The following EGFLAM variants were observed in gnomAD, a reference collection of about 807,000 sequenced individuals.
EGFLAM encodes EGF like, fibronectin type III and laminin G domains, also known as pikachurin.
A neutral mutation model predicts 113.1 loss-of-function variants in EGFLAM; 79 were observed. The ratio of observed to expected loss-of-function variants is 0.70; its 90% CI spans 0.58 to 0.84. The LOEUF is 0.84. Among genes scored for constraint, EGFLAM ranks in the 40% least tolerant of loss-of-function variants. EGFLAM has a pLI of 0.00. For missense variants in EGFLAM, 1,265 were observed against 1,291.6 expected (o/e 0.98, Z 0.32); for synonymous variants, 504 against 487.6 (o/e 1.03, Z -0.44).
At chr5:38,354,677 C>A (rs1282104738) in intron 5 of EGFLAM, among the ~76,000 whole-genome samples, 2 of 152,084 alleles carry the variant, frequency 1.3e-5, no homozygotes, top group African/African-American at 4.8e-5. Flanking sequence ...TTGCAGTGAG[C>A]CGAGATTACA....
intron 6 of EGFLAM, among the ~76,000 whole-genome samples, chr5:38,385,376 G>A (rs1051381992): frequency 6.8e-6 from 1 of 145,998 alleles, no homozygotes; most frequent in Non-Finnish European, 1.5e-5. Context: ...TATAACCTGT[G>A]TACACTCTCC....
At position 38,403,985 on chromosome 5, in the gene EGFLAM, C is replaced by T. The variant is rs189108196; in HGVS notation, c.713-2141C>T. The T allele has an allele frequency of 1.3e-4, 206 of 1,606,178 alleles. No individual in the cohort carries two copies. The African/African-American group carries it at 1.6e-3, about 12-fold the overall frequency. On this transcript the variant is annotated intron_variant, in intron 6 of 21. Transcript: ENST00000322350. ...ATTGGTGTGGAAGGGATGAGAACACCGCCTCCCCTTTGTTATCCCACCTCC... is the reference window on the plus strand; with the variant it reads ...ATTGGTGTGGAAGGGATGAGAACACTGCCTCCCCTTTGTTATCCCACCTCC...
intron 1 of EGFLAM, among the ~76,000 whole-genome samples, chr5:38,336,044 A>G (rs781352821): frequency 6.6e-6 from 1 of 152,216 alleles, no homozygotes; most frequent in Non-Finnish European, 1.5e-5. Context: ...CTCATGGAGC[A>G]TTACTTAAGA....
At chr5:38,444,627 A>C (rs975984661) in intron 17 of EGFLAM, among the ~76,000 whole-genome samples, 23 of 152,236 alleles carry the variant, frequency 1.5e-4, no homozygotes, top group Admixed American at 1.3e-4. Context: ...AAGCAAAAAA[A>C]TTAGGTATAG....
chr5:38,414,004 C>G (rs1239100507), intron 11 of EGFLAM, among the ~76,000 whole-genome samples: 1 of 152,142 alleles, frequency 6.6e-6, no homozygotes, highest in Non-Finnish European at 1.5e-5. Context: ...GAGATGCTCG[C>G]TCACCCCGCC....
At chr5:38,362,961 A>G (rs1018068536) in intron 5 of EGFLAM, among the ~76,000 whole-genome samples, 1 of 152,200 alleles carries the variant, frequency 6.6e-6, no homozygotes, top group Non-Finnish European at 1.5e-5. Flanking sequence ...GTAAACTGTA[A>G]ATGAAGTGTG....
chr5:38,350,662 C>T, intron 4 of EGFLAM, 44 bp downstream of exon 4: 1 of 1,552,042 alleles, frequency 6.4e-7, no homozygotes, highest in Non-Finnish European at 8.9e-7. Flanking sequence ...GGCTGCTATC[C>T]ATGCATCCTT....
intron 1 of EGFLAM, among the ~76,000 whole-genome samples, chr5:38,315,936 G>T (rs923012716): frequency 1.3e-5 from 2 of 152,028 alleles, no homozygotes; most frequent in African/African-American, 4.8e-5. Flanking sequence ...AATTAGCTGG[G>T]TGTGGTGGCA....
intron 5 of EGFLAM, among the ~76,000 whole-genome samples, chr5:38,362,832 G>A (rs895388375): frequency 2.0e-5 from 3 of 152,164 alleles, no homozygotes; most frequent in Admixed American, 1.3e-4. Flanking sequence ...CCTGTAGTTC[G>A]GCAAATTGAT....
At chr5:38,380,108 A>G (rs1740471175) in intron 6 of EGFLAM, among the ~76,000 whole-genome samples, 1 of 152,220 alleles carries the variant, frequency 6.6e-6, no homozygotes, top group African/African-American at 2.4e-5. Flanking sequence ...AGAAATTATT[A>G]TTCTTAAACT....
At chr5:38,443,673 C>T (rs1284707971) in intron 17 of EGFLAM, among the ~76,000 whole-genome samples, 1 of 152,146 alleles carries the variant, frequency 6.6e-6, no homozygotes, top group African/African-American at 2.4e-5. Flanking sequence ...TGAGAGGAGC[C>T]CTGGTTGTTG....
chr5:38,288,930 C>A (rs574929741), intron 1 of EGFLAM, among the ~76,000 whole-genome samples: 1 of 151,910 alleles, frequency 6.6e-6, no homozygotes, highest in Admixed American at 6.6e-5. Flanking sequence ...GCTACCCCAC[C>A]CTCATGTCCT....
In EGFLAM at chr5:38,429,414, T is replaced by C. The variant is rs1742117747; in HGVS notation, c.2055-1763T>C. ...AATCAAGTGAGGGGGTGGTGACCTT[T>C]CAATAATTGTGCCCATTGGTATTCC... On this transcript the variant is annotated intron_variant, in intron 14 of 21. Transcript: ENST00000322350. Among the ~76,000 whole-genome samples, 5 of 152,244 alleles carry C rather than the reference T, an allele frequency of 3.3e-5. No individual in the cohort carries two copies. The South Asian group carries it at 1.0e-3, about 31-fold the overall frequency.
intron 3 of EGFLAM, among the ~76,000 whole-genome samples, chr5:38,340,392 T>G (rs1561284851): frequency 6.6e-6 from 1 of 152,196 alleles, no homozygotes; most frequent in Non-Finnish European, 1.5e-5. Context: ...GTTAAATATA[T>G]TCTCTCCATT....
intron 5 of EGFLAM, among the ~76,000 whole-genome samples, chr5:38,361,680 C>T (rs1239439188): frequency 2.0e-5 from 3 of 152,242 alleles, no homozygotes; most frequent in South Asian, 2.1e-4. Context: ...TTTTGGGCCA[C>T]ATTCAAAGCT....
chr5:38,285,388 G>GA (rs1758132299), intron 1 of EGFLAM, among the ~76,000 whole-genome samples: 2 of 152,152 alleles, frequency 1.3e-5, no homozygotes, highest in Non-Finnish European at 2.9e-5. Context: ...AAAATCATGT[G>GA]ATCAAAACAG....
At chr5:38,436,832 A>G (rs1742366581) in intron 16 of EGFLAM, among the ~76,000 whole-genome samples, 1 of 152,232 alleles carries the variant, frequency 6.6e-6, no homozygotes, top group Admixed American at 6.5e-5. Flanking sequence ...GGGAGATTGT[A>G]GAAGGATCCT....
In EGFLAM at chr5:38,392,715, G is replaced by T. The variant is rs554154896; in HGVS notation, c.713-13411G>T. 1.3e-4 allele frequency among the ~76,000 whole-genome samples: 19 copies of T among 151,950 alleles called. No individual in the cohort carries two copies. In the South Asian group the frequency reaches 4.0e-3, roughly 32 times the overall value. The stretch of plus-strand genomic sequence containing the variant: ...TTAAAAAATTATACTTTAAGTTCTA[G>T]GGTACATGTGCACAACGTGCAGGTT... On this transcript the variant is annotated intron_variant, in intron 6 of 21. Transcript: ENST00000322350.
intron 6 of EGFLAM, among the ~76,000 whole-genome samples, chr5:38,395,260 T>A (rs1438274148): frequency 1.4e-5 from 2 of 140,786 alleles, no homozygotes; most frequent in Non-Finnish European, 3.1e-5. Context: ...TTTTTTTTTT[T>A]AGAGACTGGG....
Sources: allele counts gnomAD v4.1 joint callset (sites outside exome capture counted in the v4.1 genomes callset), GRCh38; gene constraint gnomAD v4.1.1; transcripts MANE v1.5; gene names NCBI Gene and HGNC (gene_info 2026-07-23, HGNC 2026-07-21).